The following SHISA6 variants were observed in gnomAD, a reference collection of about 807,000 sequenced individuals.
SHISA6 encodes the protein shisa family member 6, also known as protein shisa-6.
In SHISA6, 22 loss-of-function variants were observed where a neutral mutation model predicts 47.9. The observed-to-expected ratio is 0.46, with a 90% CI of 0.33 to 0.66. The LOEUF is 0.66. Ranked by LOEUF, SHISA6 falls within the 30% of genes least tolerant of loss-of-function variation. The probability of loss-of-function intolerance (pLI) is 0.02; values close to 1 mark genes in which losing one functional copy is unlikely to be tolerated. For synonymous variants in SHISA6, 388 were observed against 337.8 expected (o/e 1.15, Z -1.63); for missense variants, 680 against 764.6 (o/e 0.89, Z 1.30).
At chr17:11,274,270 C>T (rs970717069) in intron 2 of SHISA6, among the ~76,000 whole-genome samples, 11 of 152,184 alleles carry the variant, frequency 7.2e-5, no homozygotes, top group South Asian at 2.1e-4. Flanking sequence ...CTCACCCCTA[C>T]ACCCAGGGAG....
intron 3 of SHISA6, among the ~76,000 whole-genome samples, chr17:11,471,014 A>T (rs7216039): frequency 0.034 from 5,099 of 152,196 alleles, 251 homozygotes; most frequent in African/African-American, 0.11. Flanking sequence ...GTTCGAGACC[A>T]GTCTGGCCAA....
rs537379360 is a variant in SHISA6 at position 11,487,324 on chromosome 17, C to T, written c.896-64572C>T. Reference sequence around the variant, plus strand: ...CCAGGGGAATGGGCCACTGAATGCGCCACCTAAAGCCTGAAAGTTAGGGTG... The same window carrying T: ...CCAGGGGAATGGGCCACTGAATGCGTCACCTAAAGCCTGAAAGTTAGGGTG... On this transcript the variant is annotated intron_variant, in intron 3 of 5. Coordinates refer to ENST00000441885, the MANE Select transcript of SHISA6 (RefSeq NM_207386.4). 5.3e-5 allele frequency among the ~76,000 whole-genome samples: 8 copies of T among 152,298 alleles called. No individual in the cohort carries two copies. The East Asian group carries it at 1.4e-3, about 26-fold the overall frequency.
chr17:11,535,528 C>A (rs1303021250), intron 3 of SHISA6, among the ~76,000 whole-genome samples: 1 of 152,148 alleles, frequency 6.6e-6, no homozygotes, highest in Non-Finnish European at 1.5e-5. Flanking sequence ...AGTGTAAGAA[C>A]AGATTTCTAG....
intron 2 of SHISA6, among the ~76,000 whole-genome samples, chr17:11,318,713 T>G (rs1288098540): frequency 6.6e-6 from 1 of 152,236 alleles, no homozygotes; most frequent in African/African-American, 2.4e-5. Flanking sequence ...TCGTTGCATA[T>G]GCAGTATCTA....
intron 3 of SHISA6, among the ~76,000 whole-genome samples, chr17:11,447,052 G>A (rs1171201296): frequency 1.3e-5 from 2 of 152,132 alleles, no homozygotes; most frequent in Non-Finnish European, 2.9e-5. Flanking sequence ...TCTTTTCTCA[G>A]AGCAGGCATC....
At chr17:11,366,436 A>G (rs564601982) in intron 2 of SHISA6, among the ~76,000 whole-genome samples, 1 of 152,346 alleles carries the variant, frequency 6.6e-6, no homozygotes, top group Non-Finnish European at 1.5e-5. Flanking sequence ...CACTGTGCCC[A>G]GCTACATTTG....
chr17:11,317,634 T>C (rs925612111), intron 2 of SHISA6, among the ~76,000 whole-genome samples: 3 of 151,952 alleles, frequency 2.0e-5, no homozygotes, highest in Admixed American at 6.6e-5. Flanking sequence ...ACTTTGTTTT[T>C]GTTTTGCTTA....
intron 3 of SHISA6, among the ~76,000 whole-genome samples, chr17:11,417,240 T>C (rs1321343276): frequency 6.6e-6 from 1 of 152,180 alleles, no homozygotes; most frequent in African/African-American, 2.4e-5. Flanking sequence ...CTGGGTTTTT[T>C]CAGAAAGATC....
chr17:11,499,330 T>C (rs113072295), intron 3 of SHISA6, among the ~76,000 whole-genome samples: 328 of 152,060 alleles, frequency 2.2e-3, no homozygotes, highest in African/African-American at 6.7e-3. Flanking sequence ...ACTTGGGGAG[T>C]GGACTATAAA....
At chr17:11,287,368 G>T (rs1909345301) in intron 2 of SHISA6, among the ~76,000 whole-genome samples, 1 of 151,958 alleles carries the variant, frequency 6.6e-6, no homozygotes, top group African/African-American at 2.4e-5. Context: ...GAATGAGATT[G>T]TACTTTATAC....
chr17:11,330,868 T>G (rs147806347), intron 2 of SHISA6, among the ~76,000 whole-genome samples: 72 of 152,312 alleles, frequency 4.7e-4, no homozygotes, highest in African/African-American at 1.7e-3. Flanking sequence ...GCCTGACTTT[T>G]CTGAGTGCTC....
chr17:11,353,374 G>A (rs1396658471), intron 2 of SHISA6, among the ~76,000 whole-genome samples: 3 of 151,388 alleles, frequency 2.0e-5, no homozygotes, highest in East Asian at 3.9e-4. Context: ...AAAGAATCGC[G>A]TGAACCCAGG....
chr17:11,264,897 T>C (rs1362941342), intron 2 of SHISA6, among the ~76,000 whole-genome samples: 2 of 152,300 alleles, frequency 1.3e-5, no homozygotes, highest in African/African-American at 4.8e-5. Flanking sequence ...CATATACATA[T>C]TCATATTCAA....
chr17:11,526,116 C>CCCG (rs984366743), intron 3 of SHISA6, among the ~76,000 whole-genome samples: 2 of 151,914 alleles, frequency 1.3e-5, no homozygotes, highest in African/African-American at 4.8e-5. Flanking sequence ...GGGGACCCCC[C>CCCG]CCCGCTCTCT....
chr17:11,527,282 A>T (rs2071695035), intron 3 of SHISA6, among the ~76,000 whole-genome samples: 1 of 152,184 alleles, frequency 6.6e-6, no homozygotes, highest in African/African-American at 2.4e-5. Context: ...ATAATATAGT[A>T]GATCACACAT....
Position 11,558,391 on chromosome 17 carries a change from C to G in SHISA6, c.*87C>G. ...AGGAGCAGAGCTTCTAGCCTTGCCA[C>G]TCTCCCTTCCCTTGTCCCCTCTGTA... On this transcript the variant is annotated 3_prime_UTR_variant, in exon 6 of 6. Transcript: ENST00000441885. The G allele has an allele frequency of 1.4e-6, 2 of 1,396,528 alleles. No individual in the cohort carries two copies. Among genetic ancestry groups the G allele is most frequent in the Non-Finnish European group, 1.9e-6 (2 of 1,041,124 alleles). The allele number at this position is 1,396,528 out of a possible 1,614,324, so 86.5% of individuals were successfully genotyped here.
chr17:11,384,664 G>A (rs996909971), intron 3 of SHISA6, among the ~76,000 whole-genome samples: 3 of 152,158 alleles, frequency 2.0e-5, no homozygotes, highest in Non-Finnish European at 2.9e-5. Context: ...TGGTGGCAGC[G>A]GCAGTGGCAG....
chr17:11,518,602 A>G lies in SHISA6; in HGVS notation c.896-33294A>G, dbSNP rs140345437. The stretch of plus-strand genomic sequence containing the variant: ...AGGTATCTTATTGTTTTTCTCTAAC[A>G]TGTTTGTTTTTCTGTGGTAAGACAG... On this transcript the variant is annotated intron_variant, in intron 3 of 5. Transcript: ENST00000441885. Among the ~76,000 whole-genome samples, 372 of 152,204 alleles carry G rather than the reference A, an allele frequency of 2.4e-3. 1 individual carries two copies. Among genetic ancestry groups the G allele is most frequent in the African/African-American group, 8.5e-3 (354 of 41,508 alleles).
intron 3 of SHISA6, among the ~76,000 whole-genome samples, chr17:11,503,643 A>G (rs77305028): frequency 0.058 from 8,845 of 152,190 alleles, 321 homozygotes; most frequent in Middle Eastern, 0.099. Context: ...AAGCTCTTGG[A>G]GGTTCCCTAG....
Sources: gnomAD v4.1 joint callset for allele counts (sites outside exome capture counted in the v4.1 genomes callset) on GRCh38, gnomAD v4.1.1 for gene constraint, MANE v1.5 for transcripts, NCBI Gene and HGNC (gene_info 2026-07-23, HGNC 2026-07-21) for gene names.